Variants in CADM2 observed in about 807,000 individuals in gnomAD.
The protein encoded by CADM2 is cell adhesion molecule 2.
A neutral mutation model predicts 49.8 loss-of-function variants in CADM2; 12 were observed. The ratio of observed to expected loss-of-function variants is 0.24; its 90% CI spans 0.15 to 0.39. The LOEUF (loss-of-function observed/expected upper bound fraction) is 0.39, where lower values mean the gene tolerates loss of function less well. CADM2 is among the 10% of genes least tolerant of loss of function. The pLI, the probability that CADM2 is intolerant of heterozygous loss-of-function variation, is 1.00. For synonymous variants in CADM2, 214 were observed against 175.4 expected (o/e 1.22, Z -1.74); for missense variants, 378 against 492.3 (o/e 0.77, Z 2.20).
chr3:85,165,728 T>C (rs1013819225), intron 1 of CADM2, among the ~76,000 whole-genome samples: 1 of 151,814 alleles, frequency 6.6e-6, no homozygotes, highest in African/African-American at 2.4e-5. Flanking sequence ...CAACAGTCTA[T>C]AGAATGTCCA....
chr3:86,017,658 G>A (rs1184093732), intron 8 of CADM2, among the ~76,000 whole-genome samples: 1 of 150,976 alleles, frequency 6.6e-6, no homozygotes, highest in African/African-American at 2.4e-5. Context: ...AAACCCAGAA[G>A]CAGAGGCTGC....
chr3:85,918,248 G>T (rs1718640333), intron 6 of CADM2, among the ~76,000 whole-genome samples: 1 of 152,144 alleles, frequency 6.6e-6, no homozygotes, highest in East Asian at 1.9e-4. Context: ...CAAAGGGAAT[G>T]CTTCCAGTTT....
At chr3:85,425,648 C>T (rs2036366080) in intron 1 of CADM2, among the ~76,000 whole-genome samples, 1 of 152,152 alleles carries the variant, frequency 6.6e-6, no homozygotes, top group Admixed American at 6.6e-5. Flanking sequence ...CTCTCATTAT[C>T]CACCCCTCTC....
At position 85,779,517 on chromosome 3, in the gene CADM2, A is replaced by G. The variant is rs76807953; in HGVS notation, c.89-22530A>G. Among the ~76,000 whole-genome samples, 155 of 152,278 alleles carry G rather than the reference A, an allele frequency of 1.0e-3. 3 individuals carry two copies. In the East Asian group the frequency reaches 0.029, roughly 29 times the overall value. On this transcript the variant is annotated intron_variant, in intron 2 of 9. Transcript: ENST00000383699. ...GAAGAAAACACATCCTTCTTCACAT[A>G]GCAACAACAAGGAGAAGTGCAGAGT...
chr3:85,938,400 A>C (rs1721439836), intron 7 of CADM2, among the ~76,000 whole-genome samples: 2 of 152,086 alleles, frequency 1.3e-5, no homozygotes, highest in Non-Finnish European at 2.9e-5. Flanking sequence ...AGGGAAGTGA[A>C]GACAGCCACT....
chr3:85,949,206 A>T (rs1230536623), intron 7 of CADM2, among the ~76,000 whole-genome samples: 1 of 149,298 alleles, frequency 6.7e-6, no homozygotes, highest in Admixed American at 6.6e-5. Context: ...ACTTTTTTTT[A>T]AAAAGAAAAT....
intron 1 of CADM2, among the ~76,000 whole-genome samples, chr3:85,116,541 G>A (rs2038645150): frequency 6.6e-6 from 1 of 152,114 alleles, no homozygotes; most frequent in South Asian, 2.1e-4. Context: ...GTTAGTGAAA[G>A]AATTGAACAC....
chr3:85,425,313 A>G (rs2107507251), intron 1 of CADM2, among the ~76,000 whole-genome samples: 1 of 152,324 alleles, frequency 6.6e-6, no homozygotes, highest in South Asian at 2.1e-4. Flanking sequence ...GAAGCAGTAA[A>G]ATGTTTTTAT....
At chr3:85,854,110 A>G (rs2075212756) in intron 3 of CADM2, among the ~76,000 whole-genome samples, 1 of 152,206 alleles carries the variant, frequency 6.6e-6, no homozygotes, top group Non-Finnish European at 1.5e-5. Context: ...ACTTTTTTAA[A>G]AACTAAAAAC....
At chr3:85,979,176 CT>C (rs1727162329) in intron 8 of CADM2, 1 of 1,609,686 alleles carries the variant, frequency 6.2e-7, no homozygotes, top group African/African-American at 1.3e-5. Context: ...GTTCCCAACA[CT>C]TTGCTTCCCA....
chr3:85,920,320 T>C (rs556802170), intron 6 of CADM2, among the ~76,000 whole-genome samples: 1 of 151,964 alleles, frequency 6.6e-6, no homozygotes, highest in South Asian at 2.1e-4. Context: ...AAAGGTGAAA[T>C]GAAAATTATA....
intron 1 of CADM2, among the ~76,000 whole-genome samples, chr3:85,340,248 C>T (rs2045203557): frequency 6.6e-6 from 1 of 151,420 alleles, no homozygotes; most frequent in Non-Finnish European, 1.5e-5. Context: ...ATTGATTTGG[C>T]TAGAACTCTT....
intron 7 of CADM2, among the ~76,000 whole-genome samples, chr3:85,948,788 T>G (rs1723047649): frequency 6.6e-6 from 1 of 151,430 alleles, no homozygotes; most frequent in Admixed American, 6.6e-5. Flanking sequence ...ATATGAACAT[T>G]TACGAAAACC....
intron 1 of CADM2, among the ~76,000 whole-genome samples, chr3:85,514,409 T>G (rs1374745408): frequency 2.0e-5 from 3 of 152,084 alleles, no homozygotes; most frequent in Non-Finnish European, 4.4e-5. Flanking sequence ...ATAAGAGTGA[T>G]CATCCTGAGG....
chr3:85,034,790 C>CTTTTTTTTTTTTTT lies in CADM2; in HGVS notation c.61+75133_61+75146dup, dbSNP rs1179967499. On this transcript the variant is annotated intron_variant, in intron 1 of 9. Coordinates refer to ENST00000383699, the MANE Select transcript of CADM2 (RefSeq NM_001167675.2). ...TATCTTTTAGATAAAAGACATTTTG[C>CTTTTTTTTTTTTTT]TTTTTTTTTTTTTTTTTTTTTTTTA... is the stretch of plus-strand genomic sequence containing the variant. Among the ~76,000 whole-genome samples the CTTTTTTTTTTTTTT allele has an allele frequency of 1.1e-3, 94 of 84,058 alleles. 1 individual carries two copies. Among genetic ancestry groups the CTTTTTTTTTTTTTT allele is most frequent in the African/African-American group, 4.4e-3 (81 of 18,500 alleles). The allele number at this position is 84,058 out of a possible 152,430, so 55.1% of individuals were successfully genotyped here. A position where few individuals can be genotyped will look rare whatever the true frequency, so the allele number is the denominator to read the frequency against.
chr3:85,709,112 C>T (rs1300768140), intron 1 of CADM2, among the ~76,000 whole-genome samples: 1 of 152,070 alleles, frequency 6.6e-6, no homozygotes, highest in Admixed American at 6.6e-5. Context: ...CCCCAAATAA[C>T]TCAGATCTCT....
intron 1 of CADM2, among the ~76,000 whole-genome samples, chr3:85,027,809 A>G (rs1033065365): frequency 6.6e-6 from 1 of 152,186 alleles, no homozygotes; most frequent in African/African-American, 2.4e-5. Flanking sequence ...AACATTGCCA[A>G]TAGTTACGCA....
chr3:85,269,545 C>G (rs2043190119), intron 1 of CADM2, among the ~76,000 whole-genome samples: 1 of 151,306 alleles, frequency 6.6e-6, no homozygotes, highest in South Asian at 2.1e-4. Context: ...ACTCTAAGTT[C>G]CTTCCATTAG....
intron 1 of CADM2, among the ~76,000 whole-genome samples, chr3:85,246,509 A>T (rs186090723): frequency 7.9e-4 from 121 of 152,240 alleles, no homozygotes; most frequent in Middle Eastern, 3.4e-3. Flanking sequence ...ATATTGAATA[A>T]AATTATTAAT....
Sources: allele counts gnomAD v4.1 joint callset (sites outside exome capture counted in the v4.1 genomes callset), GRCh38; gene constraint gnomAD v4.1.1; transcripts MANE v1.5; gene names NCBI Gene and HGNC (gene_info 2026-07-23, HGNC 2026-07-21).